Variants in ZNG1A observed in about 807,000 individuals in gnomAD.
ZNG1A encodes zinc-regulated GTPase metalloprotein activator 1A.
At chr9:154,912 A>G in the ZNG1A span, 5 of 1,013,928 alleles carry the variant, frequency 4.9e-6, no homozygotes, top group Non-Finnish European at 7.2e-6. Flanking sequence ...CCTCATGTAG[A>G]TCAATATATC....
the ZNG1A span, among the ~76,000 whole-genome samples, chr9:137,413 T>A: frequency 1.3e-5 from 2 of 148,918 alleles, no homozygotes; most frequent in Non-Finnish European, 3.0e-5. Context: ...CATTGTTTCA[T>A]TTGTTCCCCT....
At chr9:169,852 AGCTT>A in the ZNG1A span, among the ~76,000 whole-genome samples, 5 of 119,100 alleles carry the variant, frequency 4.2e-5, no homozygotes, top group Non-Finnish European at 6.8e-5. Flanking sequence ...GTATAAACAC[AGCTT>A]TTTTTTTTTT....
chr9:122,277 C>T, the ZNG1A span: 1 of 1,433,102 alleles, frequency 7.0e-7, no homozygotes, highest in South Asian at 1.5e-5. Context: ...TTTTAATTTT[C>T]AAAAAAGGTT....
At chr9:142,140 G>C in the ZNG1A span, among the ~76,000 whole-genome samples, 24,631 of 144,816 alleles carry the variant, frequency 0.17, 2,496 homozygotes, top group East Asian at 0.4. Flanking sequence ...CAATGAGACA[G>C]AAAACCAACA....
chr9:176,511 A>G, the ZNG1A span, among the ~76,000 whole-genome samples: 2 of 151,900 alleles, frequency 1.3e-5, no homozygotes. Context: ...TAAGTTTTCT[A>G]GTATATAACT....
At chr9:164,314 C>CGATG in the ZNG1A span, 4 of 314,838 alleles carry the variant, frequency 1.3e-5, no homozygotes, top group Non-Finnish European at 2.3e-5. Context: ...ATTCTTCTAC[C>CGATG]GATGCCATAA....
chr9:131,878 A>T, the ZNG1A span, among the ~76,000 whole-genome samples: 2 of 146,562 alleles, frequency 1.4e-5, no homozygotes, highest in Non-Finnish European at 3.0e-5. Context: ...CTAGCAAATT[A>T]AAACCTAATA....
chr9:126,786 G>C, the ZNG1A span, among the ~76,000 whole-genome samples: 1 of 151,858 alleles, frequency 6.6e-6, no homozygotes, highest in South Asian at 2.1e-4. Context: ...ACCGTGGATT[G>C]TCTGTGCTCT....
At chr9:129,979 G>C in the ZNG1A span, among the ~76,000 whole-genome samples, 1 of 150,832 alleles carries the variant, frequency 6.6e-6, no homozygotes, top group Admixed American at 6.6e-5. Flanking sequence ...GTTGCTCCTA[G>C]GCTACAAACC....
chr9:157,456 G>A, the ZNG1A span, among the ~76,000 whole-genome samples: 3 of 129,202 alleles, frequency 2.3e-5, no homozygotes, highest in Admixed American at 2.5e-4. Context: ...CTAGATTATA[G>A]TAATACTCTC....
the ZNG1A span, among the ~76,000 whole-genome samples, chr9:164,871 C>T: frequency 1.3e-5 from 2 of 152,026 alleles, no homozygotes; most frequent in South Asian, 2.1e-4. Context: ...ATGTGGTCCC[C>T]CAAGCATCAC....
At chr9:163,959 A>G in the ZNG1A span, 1 of 1,583,690 alleles carries the variant, frequency 6.3e-7, no homozygotes, top group African/African-American at 1.4e-5. Flanking sequence ...AGATAAAAGA[A>G]AACTGTTTTT....
At chr9:122,249 C>T in the ZNG1A span, 1 of 1,432,544 alleles carries the variant, frequency 7.0e-7, no homozygotes, top group Non-Finnish European at 9.2e-7. Context: ...TTGTGAATTA[C>T]AAGAAGTTTC....
At chr9:156,659 T>C in the ZNG1A span, 634,621 of 904,180 alleles carry the variant, frequency 0.7, 224,362 homozygotes, top group African/African-American at 0.8. Flanking sequence ...ACTGAATACA[T>C]AAATCCAAAA....
At chr9:140,016 C>T in the ZNG1A span, among the ~76,000 whole-genome samples, 1 of 150,480 alleles carries the variant, frequency 6.6e-6, no homozygotes, top group South Asian at 2.1e-4. Context: ...GGTCCCACGC[C>T]CACAGAGTCT....
chr9:162,716 A>C, the ZNG1A span, among the ~76,000 whole-genome samples: 1 of 151,088 alleles, frequency 6.6e-6, no homozygotes, highest in Non-Finnish European at 1.5e-5. Flanking sequence ...ACAAATAAAA[A>C]TTTTAAATTA....
chr9:176,057 C>G, the ZNG1A span, among the ~76,000 whole-genome samples: 583 of 149,082 alleles, frequency 3.9e-3, 11 homozygotes, highest in African/African-American at 0.013. Flanking sequence ...AATTTACACA[C>G]AATCTTTTAT....
the ZNG1A span, chr9:178,891 T>A: frequency 8.7e-7 from 1 of 1,152,574 alleles, no homozygotes. Context: ...CTTTGCGTCG[T>A]CTCAATGGGA....
the ZNG1A span, among the ~76,000 whole-genome samples, chr9:137,549 C>A: frequency 1.3e-5 from 2 of 152,094 alleles, no homozygotes; most frequent in Non-Finnish European, 1.5e-5. Context: ...AGTGAAACAG[C>A]ACTGATAGTC....
Sources: gnomAD v4.1 joint callset for allele counts (sites outside exome capture counted in the v4.1 genomes callset) on GRCh38, gnomAD v4.1.1 for gene constraint, MANE v1.5 for transcripts, NCBI Gene and HGNC (gene_info 2026-07-23, HGNC 2026-07-21) for gene names.